The following CCDC178 variants were observed in gnomAD, a reference collection of about 807,000 sequenced individuals.
The protein encoded by CCDC178 is coiled-coil domain-containing protein 178.
In CCDC178, 126 loss-of-function variants were observed where a neutral mutation model predicts 117.4. The observed-to-expected ratio is 1.07, with a 90% confidence interval of 0.93 to 1.24. The LOEUF (loss-of-function observed/expected upper bound fraction) is 1.24. Ranked by LOEUF, CCDC178 falls within the 50% of genes most tolerant of loss-of-function variation. The pLI, the probability that CCDC178 is intolerant of heterozygous loss-of-function variation, is 0.00. For synonymous variants in CCDC178, 283 were observed against 313.4 expected (o/e 0.90, Z 1.02); for missense variants, 1,030 against 986.9 (o/e 1.04, Z -0.59).
At position 33,022,784 on chromosome 18, in the gene CCDC178, G is replaced by A. The variant is rs551688949; in HGVS notation, c.2389-48103C>T. 8.0e-4 allele frequency among the ~76,000 whole-genome samples: 122 copies of A among 152,082 alleles called. 1 individual carries two copies. The highest frequency in any genetic ancestry group is 1.4e-3 in the Non-Finnish European group (92 of 67,914). On this transcript the variant is annotated intron_variant, in intron 21 of 22. Transcript: ENST00000383096. ...ATAGTCTAAGTATATCAATTAGAAC[G>A]CAGACATTAGCAGAGCAGATTAAAA...
intron 21 of CCDC178, among the ~76,000 whole-genome samples, chr18:33,079,783 G>A (rs1323086369): frequency 6.6e-6 from 1 of 152,130 alleles, no homozygotes; most frequent in Admixed American, 6.6e-5. Flanking sequence ...TATAACAGAT[G>A]CTCATGAGGT....
At chr18:33,312,842 T>A (rs1433290452) in intron 11 of CCDC178, among the ~76,000 whole-genome samples, 1 of 152,214 alleles carries the variant, frequency 6.6e-6, no homozygotes, top group Non-Finnish European at 1.5e-5. Context: ...ACAGCTTGAA[T>A]CTGGCCACCC....
At chr18:33,283,198 T>C (rs938955509) in intron 12 of CCDC178, among the ~76,000 whole-genome samples, 1 of 152,104 alleles carries the variant, frequency 6.6e-6, no homozygotes, top group African/African-American at 2.4e-5. Flanking sequence ...AGTCAGAGCA[T>C]GCAGTCTAGG....
intron 11 of CCDC178, among the ~76,000 whole-genome samples, chr18:33,297,792 A>T (rs769521264): frequency 3.9e-5 from 6 of 152,180 alleles, no homozygotes; most frequent in Non-Finnish European, 8.8e-5. Context: ...CTGTAATCCC[A>T]GCACTTTGGG....
intron 20 of CCDC178, among the ~76,000 whole-genome samples, chr18:33,209,666 G>T (rs2059084073): frequency 6.6e-6 from 1 of 151,952 alleles, no homozygotes; most frequent in South Asian, 2.1e-4. Flanking sequence ...TAAATAAATA[G>T]CATCATTAAT....
chr18:33,308,595 G>A (rs1335981424), intron 11 of CCDC178, among the ~76,000 whole-genome samples: 9 of 152,154 alleles, frequency 5.9e-5, no homozygotes, highest in Admixed American at 5.2e-4. Context: ...AGATTTGGGA[G>A]GGGCCAGGGG....
At chr18:33,345,176 C>T (rs1275124104) in intron 9 of CCDC178, among the ~76,000 whole-genome samples, 1 of 151,876 alleles carries the variant, frequency 6.6e-6, no homozygotes, top group Non-Finnish European at 1.5e-5. Context: ...ATATGGGCAC[C>T]CTAATATTAA....
intron 11 of CCDC178, among the ~76,000 whole-genome samples, chr18:33,320,968 T>C (rs1286826465): frequency 3.3e-5 from 5 of 152,038 alleles, no homozygotes; most frequent in African/African-American, 1.2e-4. Flanking sequence ...TTGACAAACC[T>C]GACAAAAACA....
At chr18:33,184,840 A>G (rs1367924724) in intron 20 of CCDC178, among the ~76,000 whole-genome samples, 3 of 152,080 alleles carry the variant, frequency 2.0e-5, no homozygotes, top group African/African-American at 4.8e-5. Context: ...AAAAACTGAC[A>G]TCTTTCAAGG....
intron 22 of CCDC178, chr18:32,954,410 A>G (rs1019261741): frequency 6.6e-6 from 1 of 152,172 alleles, no homozygotes; most frequent in Non-Finnish European, 1.5e-5. Context: ...TAAAAATGCT[A>G]TATGTATATA....
At chr18:33,230,584 A>T (rs1256318607) in intron 15 of CCDC178, among the ~76,000 whole-genome samples, 2 of 152,172 alleles carry the variant, frequency 1.3e-5, no homozygotes, top group Admixed American at 1.3e-4. Flanking sequence ...AAATTGTAAA[A>T]GTTTCAGATT....
intron 14 of CCDC178, among the ~76,000 whole-genome samples, chr18:33,265,567 A>G (rs2059802374): frequency 6.6e-6 from 1 of 151,962 alleles, no homozygotes; most frequent in African/African-American, 2.4e-5. Flanking sequence ...GGCTGGAAAA[A>G]GTGATAAGTG....
chr18:33,031,652 G>T lies in CCDC178; in HGVS notation c.2389-56971C>A, dbSNP rs554182178. On this transcript the variant is annotated intron_variant, in intron 21 of 22. Transcript: ENST00000383096. ...TCCTATGGATTCAAGGAACCAGCTG[G>T]CTCCAGTACAGTTTTGTTTCCATCC... Among the ~76,000 whole-genome samples the T allele has an allele frequency of 3.3e-4, 50 of 151,750 alleles. 2 individuals carry two copies. The highest frequency in any genetic ancestry group is 1.0e-3 in the South Asian group (5 of 4,802).
intron 21 of CCDC178, among the ~76,000 whole-genome samples, chr18:33,011,388 G>A (rs1386234759): frequency 6.6e-6 from 1 of 152,010 alleles, no homozygotes; most frequent in Non-Finnish European, 1.5e-5. Context: ...TTGCATCTGA[G>A]GAAGAGATGT....
intron 20 of CCDC178, among the ~76,000 whole-genome samples, chr18:33,182,759 A>C (rs570793160): frequency 5.9e-5 from 9 of 152,106 alleles, no homozygotes; most frequent in Admixed American, 5.2e-4. Context: ...ATTTAACATT[A>C]TTGTGAATTT....
chr18:33,037,440 C>T (rs986743535), intron 21 of CCDC178, among the ~76,000 whole-genome samples: 1 of 151,886 alleles, frequency 6.6e-6, no homozygotes, highest in South Asian at 2.1e-4. Context: ...TTGATAAGCT[C>T]TAACTAGCCT....
chr18:33,156,829 T>C (rs1246697305), intron 20 of CCDC178, among the ~76,000 whole-genome samples: 1 of 152,146 alleles, frequency 6.6e-6, no homozygotes, highest in Non-Finnish European at 1.5e-5. Flanking sequence ...AGAAATAAGC[T>C]AAACAAGGTT....
At chr18:32,985,831 C>T (rs1177939094) in intron 21 of CCDC178, among the ~76,000 whole-genome samples, 1 of 151,988 alleles carries the variant, frequency 6.6e-6, no homozygotes, top group Non-Finnish European at 1.5e-5. Flanking sequence ...TATTTGAAAA[C>T]CTAAGCAGAT....
chr18:33,370,129 T>A lies in CCDC178; in HGVS notation c.269A>T (p.Asn90Ile), dbSNP rs2063276557. The A allele has an allele frequency of 1.2e-6, 2 of 1,606,308 alleles. No individual in the cohort carries two copies. The highest frequency in any genetic ancestry group is 1.7e-6 in the Non-Finnish European group (2 of 1,176,372). Reference protein sequence around the residue: ...PCRRHSCAVVNIPAPCVNKMI... With the variant: ...PCRRHSCAVVIIPAPCVNKMI... ...TTTGTTGACACAAGGTGCTGGAATATTTACTACGGCACAGCTGTGACGTCG... is the reference window on the plus strand; with the variant it reads ...TTTGTTGACACAAGGTGCTGGAATAATTACTACGGCACAGCTGTGACGTCG... The change falls in exon 6 of 23, where the codon AAT (asparagine) becomes ATT (isoleucine). Residue 90 changes from asparagine to isoleucine, a missense_variant. Coordinates refer to ENST00000383096, the MANE Select transcript of CCDC178 (RefSeq NM_001105528.4).
Sources: allele counts gnomAD v4.1 joint callset (sites outside exome capture counted in the v4.1 genomes callset), GRCh38; gene constraint gnomAD v4.1.1; transcripts MANE v1.5; gene names NCBI Gene and HGNC (gene_info 2026-07-23, HGNC 2026-07-21).